Variants in PRLR observed in about 807,000 individuals in gnomAD.
PRLR encodes the protein prolactin receptor, also known as hPRL receptor.
Under a neutral mutation model 40.2 loss-of-function variants are expected in PRLR, and 13 were observed. That is an observed-to-expected ratio of 0.32 (90% CI 0.21 to 0.51). The LOEUF (loss-of-function observed/expected upper bound fraction) is 0.51. Ranked by LOEUF, PRLR falls within the 20% of genes least tolerant of loss-of-function variation. The pLI is 0.97. For missense variants in PRLR, 656 were observed against 747.3 expected, an observed-to-expected ratio of 0.88 and a Z score of 1.42; for synonymous variants, 269 against 278.7, an observed-to-expected ratio of 0.97 and a Z score of 0.35.
In PRLR at chr5:35,070,156, C is replaced by CA. The variant is rs764826902; in HGVS notation, c.652dup (p.Trp218LeufsTer11). ...TATCTGAATGAAGGTCGCTGGACTC[C>CA]ATGCACTCCAGTATCCATGGTCTGG... On this transcript the variant is annotated frameshift_variant, in exon 7 of 10. Coordinates refer to ENST00000618457, the MANE Select transcript of PRLR (RefSeq NM_000949.7). LOFTEE classifies it high-confidence loss of function. 3 of 1,613,798 alleles carry CA rather than the reference C, an allele frequency of 1.9e-6. No individual in the cohort carries two copies. Among genetic ancestry groups the CA allele is most frequent in the Non-Finnish European group, 2.5e-6 (3 of 1,179,954 alleles).
intron 1 of PRLR, among the ~76,000 whole-genome samples, chr5:35,167,619 C>T (rs1774879796): frequency 6.6e-6 from 1 of 151,782 alleles, no homozygotes; most frequent in Non-Finnish European, 1.5e-5. Context: ...TTTAAAACAA[C>T]AATAAAAATG....
chr5:35,135,688 C>T (rs1411309140), intron 1 of PRLR, among the ~76,000 whole-genome samples: 1 of 152,176 alleles, frequency 6.6e-6, no homozygotes, highest in Non-Finnish European at 1.5e-5. Context: ...GCTTCTCTAG[C>T]CAGAACCTAA....
In PRLR at chr5:35,059,798, T is replaced by C. The variant is rs904070913; in HGVS notation, c.*5291A>G. The C allele has an allele frequency of 9.9e-5, 15 of 152,230 alleles. No homozygotes were observed. In the East Asian group the frequency reaches 1.9e-3, roughly 20 times the overall value. The allele number at this position is 152,230 out of a possible 1,614,324, so 9.4% of individuals were successfully genotyped here. On this transcript the variant is annotated 3_prime_UTR_variant, in exon 10 of 10. Coordinates refer to ENST00000618457, the MANE Select transcript of PRLR (RefSeq NM_000949.7). ...AGCAATCAATCTGTATTTTTAAAGCTTCTCCTTCAGACCTCCAGTATCTAG... is the reference window on the plus strand; with the variant it reads ...AGCAATCAATCTGTATTTTTAAAGCCTCTCCTTCAGACCTCCAGTATCTAG...
Position 35,109,340 on chromosome 5 carries a change from C to T in PRLR, c.-44+8721G>A, listed in dbSNP as rs149432628. Reference sequence around the variant, plus strand: ...TTCATGACTAACACACCAAAAGCAACGGCAACAAAAGCCAAAATTGACAAA... The same window carrying T: ...TTCATGACTAACACACCAAAAGCAATGGCAACAAAAGCCAAAATTGACAAA... On this transcript the variant is annotated intron_variant, in intron 2 of 9. Coordinates refer to ENST00000618457, the MANE Select transcript of PRLR (RefSeq NM_000949.7). Among the ~76,000 whole-genome samples the T allele has an allele frequency of 1.7e-3, 259 of 152,168 alleles. 4 individuals are homozygous for T. In the East Asian group the frequency reaches 0.03, roughly 18 times the overall value.
chr5:35,101,291 G>A (rs1473949256), intron 2 of PRLR, among the ~76,000 whole-genome samples: 1 of 152,176 alleles, frequency 6.6e-6, no homozygotes, highest in Non-Finnish European at 1.5e-5. Flanking sequence ...CACGGAAACA[G>A]CACTTGGCCT....
intron 1 of PRLR, among the ~76,000 whole-genome samples, chr5:35,217,343 GC>G (rs1776309874): frequency 6.6e-6 from 1 of 152,196 alleles, no homozygotes; most frequent in Non-Finnish European, 1.5e-5. Context: ...TAAACTCACT[GC>G]TGAAAGTACA....
intron 1 of PRLR, among the ~76,000 whole-genome samples, chr5:35,121,749 G>T (rs1773299161): frequency 6.6e-6 from 1 of 152,174 alleles, no homozygotes; most frequent in African/African-American, 2.4e-5. Context: ...CTGAAATTCA[G>T]AGAAGACTCA....
At chr5:35,117,753 A>C (rs971773354) in intron 2 of PRLR, among the ~76,000 whole-genome samples, 3 of 152,232 alleles carry the variant, frequency 2.0e-5, no homozygotes, top group Non-Finnish European at 2.9e-5. Context: ...ATAATCTCTC[A>C]ATTACAGAAA....
In PRLR at chr5:35,086,188, G is replaced by C; in HGVS notation, c.203+20C>G. 1 of 1,613,380 alleles carries C rather than the reference G, an allele frequency of 6.2e-7. No homozygotes were observed. Among genetic ancestry groups the C allele is most frequent in the Non-Finnish European group, 8.5e-7 (1 of 1,179,584 alleles). ...GGAGTACTCATGTGGGGTTTCATAG[G>C]AGAGAAGGGAACTTCTTACCCTTCC... On this transcript the variant is annotated intron_variant, in intron 4 of 9. Coordinates refer to ENST00000618457, the MANE Select transcript of PRLR (RefSeq NM_000949.7).
At chr5:35,149,199 C>T (rs1317349579) in intron 1 of PRLR, among the ~76,000 whole-genome samples, 1 of 152,098 alleles carries the variant, frequency 6.6e-6, no homozygotes, top group African/African-American at 2.4e-5. Context: ...ATCTGACCAA[C>T]TTTAAAAGAC....
At chr5:35,196,393 A>G (rs1266368588) in intron 1 of PRLR, among the ~76,000 whole-genome samples, 1 of 152,248 alleles carries the variant, frequency 6.6e-6, no homozygotes, top group African/African-American at 2.4e-5. Context: ...GTTCTCATGC[A>G]TGCACTGTCA....
At chr5:35,121,895 T>C (rs1187606620) in intron 1 of PRLR, among the ~76,000 whole-genome samples, 1 of 152,172 alleles carries the variant, frequency 6.6e-6, no homozygotes, top group Admixed American at 6.5e-5. Context: ...CCAATAACAA[T>C]TGGTTGCCTA....
At chr5:35,096,304 C>T (rs1771530610) in intron 2 of PRLR, among the ~76,000 whole-genome samples, 1 of 152,198 alleles carries the variant, frequency 6.6e-6, no homozygotes. Flanking sequence ...CTTCCTCATC[C>T]TAGCAACATC....
intron 1 of PRLR, among the ~76,000 whole-genome samples, chr5:35,223,563 T>C (rs1254884638): frequency 6.6e-6 from 1 of 152,260 alleles, no homozygotes; most frequent in East Asian, 1.9e-4. Flanking sequence ...TTTTTTCTTA[T>C]GTGAGGTGGC....
intron 2 of PRLR, among the ~76,000 whole-genome samples, chr5:35,105,774 A>C (rs1423148356): frequency 1.3e-5 from 2 of 152,276 alleles, no homozygotes; most frequent in African/African-American, 4.8e-5. Context: ...AGTAACAAGG[A>C]GAATGGAACC....
At chr5:35,129,658 C>A (rs1773591414) in intron 1 of PRLR, among the ~76,000 whole-genome samples, 1 of 146,894 alleles carries the variant, frequency 6.8e-6, no homozygotes, top group Non-Finnish European at 1.5e-5. Flanking sequence ...AGGTTTTAAG[C>A]ACTGTAATCA....
At chr5:35,102,492 TCTCCA>T (rs879633582) in intron 2 of PRLR, among the ~76,000 whole-genome samples, 6,169 of 125,180 alleles carry the variant, frequency 0.049, 653 homozygotes, top group African/African-American at 0.16. Flanking sequence ...TCCCGTCTCC[TCTCCA>T]CTCCTCTCCT....
intron 2 of PRLR, among the ~76,000 whole-genome samples, chr5:35,101,341 C>T (rs945195384): frequency 1.3e-5 from 2 of 152,172 alleles, no homozygotes; most frequent in Non-Finnish European, 2.9e-5. Flanking sequence ...ACAGGCTCTC[C>T]ATATTCCTAA....
At chr5:35,100,683 G>C (rs1176500535) in intron 2 of PRLR, among the ~76,000 whole-genome samples, 1 of 152,106 alleles carries the variant, frequency 6.6e-6, no homozygotes, top group Non-Finnish European at 1.5e-5. Flanking sequence ...ATAACCTAAG[G>C]ATGCATTTCT....
Sources: allele counts gnomAD v4.1 joint callset (sites outside exome capture counted in the v4.1 genomes callset), GRCh38; gene constraint gnomAD v4.1.1; transcripts MANE v1.5; gene names NCBI Gene and HGNC (gene_info 2026-07-23, HGNC 2026-07-21).